MCF2L: variants seen among roughly 807,000 people sequenced by gnomAD.
MCF2L encodes MCF.2 cell line derived transforming sequence like.
Under a neutral mutation model 153.4 loss-of-function variants are expected in MCF2L, and 97 were observed. The ratio of observed to expected loss-of-function variants is 0.63; its 90% CI spans 0.54 to 0.75. The LOEUF (loss-of-function observed/expected upper bound fraction) is 0.75. MCF2L is among the 30% of genes least tolerant of loss of function. The pLI, the probability that MCF2L is intolerant of heterozygous loss-of-function variation, is 0.00. For missense variants in MCF2L, 1,347 were observed against 1,495.2 expected, an observed-to-expected ratio of 0.90 and a Z score of 1.64; for synonymous variants, 659 against 632.2, an observed-to-expected ratio of 1.04 and a Z score of -0.64.
At chr13:113,049,025 AG>A (rs142905124) in intron 4 of MCF2L, among the ~76,000 whole-genome samples, 1,786 of 152,260 alleles carry the variant, frequency 0.012, 42 homozygotes, top group African/African-American at 0.041. Flanking sequence ...TCCTGTCCCC[AG>A]GCCCCTGCTA....
chr13:112,928,238 G>A (rs1448761847), intron 2 of MCF2L, among the ~76,000 whole-genome samples: 1 of 152,202 alleles, frequency 6.6e-6, no homozygotes, highest in Non-Finnish European at 1.5e-5. Flanking sequence ...CACCAACGTT[G>A]TTGCAGTCAT....
chr13:112,996,610 G>A (rs184260895), intron 1 of MCF2L, among the ~76,000 whole-genome samples: 27 of 152,284 alleles, frequency 1.8e-4, no homozygotes, highest in Non-Finnish European at 3.1e-4. Flanking sequence ...TTTCTCCACG[G>A]CATCCTGCGA....
chr13:113,062,201 AGCAGGGACTCGTGGGCAGT>A (rs2031619657), intron 5 of MCF2L, among the ~76,000 whole-genome samples: 1 of 152,038 alleles, frequency 6.6e-6, no homozygotes, highest in South Asian at 2.1e-4. Flanking sequence ...AACCGTGCAG[AGCAGGGACTCGTGGGCAGT>A]GGGAGGCTCA....
chr13:112,894,680 G>A (rs921897686), intron 1 of MCF2L, among the ~76,000 whole-genome samples: 1 of 152,156 alleles, frequency 6.6e-6, no homozygotes, highest in Non-Finnish European at 1.5e-5. Flanking sequence ...AAATGGCAGT[G>A]GAGGAGACCC....
rs760614888 is a variant in MCF2L at position 112,983,236 on chromosome 13, G to A, written c.79+13778G>A. Among the ~76,000 whole-genome samples, 20 of 152,178 alleles carry A rather than the reference G, an allele frequency of 1.3e-4. No individual in the cohort carries two copies. Among genetic ancestry groups the A allele is most frequent in the South Asian group, 2.1e-4 (1 of 4,822 alleles). ...AGGTTCATGGCAGCTGGGTAGGGAC[G>A]GGAAGCTCCAGTAAGATTCACCATG... On this transcript the variant is annotated intron_variant, in intron 1 of 29. Coordinates refer to ENST00000535094, the MANE Select transcript of MCF2L (RefSeq NM_001112732.3). This position sits in a 1 kb window ranked among gnomAD's most constrained non-coding sequence, Gnocchi z 4.0.
At chr13:112,952,935 A>G (rs1250958971) in intron 2 of MCF2L, among the ~76,000 whole-genome samples, 1 of 152,164 alleles carries the variant, frequency 6.6e-6, no homozygotes. Flanking sequence ...ATCAGCCACA[A>G]AGCAGGCGAC....
rs1038547618 is a variant in MCF2L, at chr13:112,907,661, G to C, written c.169+5290G>C. 1.3e-5 allele frequency among the ~76,000 whole-genome samples: 2 copies of C among 152,172 alleles called. No homozygotes were observed. On this transcript the variant is annotated intron_variant, in intron 2 of 29. Transcript: ENST00000375608. The surrounding 1 kb of genome is among the most constrained non-coding windows in gnomAD (Gnocchi z 5.1). The stretch of plus-strand genomic sequence containing the variant: ...TGGTTTCTCTTGGCCCACAGAAAAT[G>C]TTCTTTAATAATTTGGTAGACTCTG...
intron 2 of MCF2L, chr13:112,917,510 G>A (rs1356534120): frequency 1.7e-5 from 5 of 300,688 alleles, no homozygotes; most frequent in Non-Finnish European, 1.3e-5. Context: ...AACAGCAAGC[G>A]GTGACCTCTC....
chr13:112,944,523 C>G (rs970784279), intron 2 of MCF2L, among the ~76,000 whole-genome samples: 1 of 151,206 alleles, frequency 6.6e-6, no homozygotes, highest in African/African-American at 2.4e-5. Flanking sequence ...AGTGCTAAGC[C>G]GCAGAAGAGC....
rs367839706 is a variant in MCF2L at position 112,960,000 on chromosome 13, G to T, written c.170-54763G>T. Among the ~76,000 whole-genome samples the T allele has an allele frequency of 2.0e-5, 3 of 152,358 alleles. No individual in the cohort carries two copies. The East Asian group carries it at 5.8e-4, about 29-fold the overall frequency. On this transcript the variant is annotated intron_variant, in intron 2 of 29. Coordinates refer to the MCF2L transcript ENST00000375608. ...GGGAGAGCCCTCTCTCTGTTCTCAC[G>T]CGTCGGGCTGCGGCAGAGGTGCCTG...
At chr13:112,992,089 A>G (rs1184977919) in intron 1 of MCF2L, among the ~76,000 whole-genome samples, 1 of 152,236 alleles carries the variant, frequency 6.6e-6, no homozygotes. Context: ...CGACAGTCAC[A>G]GTCAAAACTT....
intron 2 of MCF2L, among the ~76,000 whole-genome samples, chr13:112,924,221 A>AC (rs1365440894): frequency 2.0e-5 from 3 of 150,822 alleles, no homozygotes; most frequent in Non-Finnish European, 3.0e-5. Flanking sequence ...GCTCCCCACA[A>AC]CCCCCCCACG....
intron 18 of MCF2L, 21 bp from the exon 19 acceptor site, chr13:113,084,871 G>T: frequency 6.3e-7 from 1 of 1,590,576 alleles, no homozygotes; most frequent in African/African-American, 1.3e-5. Context: ...TGCGTGATGC[G>T]GTGCCTGTCC....
At chr13:112,996,715 C>T (rs1056871743) in intron 1 of MCF2L, among the ~76,000 whole-genome samples, 57 of 152,336 alleles carry the variant, frequency 3.7e-4, no homozygotes, top group African/African-American at 1.3e-3. Flanking sequence ...GGTTCATGGC[C>T]CAGGATGGCA....
At position 113,027,095 on chromosome 13, in the gene MCF2L, A is replaced by G; in HGVS notation, c.278+2337A>G. ...ATGGCATCTGTATCCCGCACATTAC[A>G]TAAGGTGGCAAAACACAGAGGAGAT... On this transcript the variant is annotated intron_variant, in intron 3 of 29. Transcript: ENST00000535094. This position sits in a 1 kb window ranked among gnomAD's most constrained non-coding sequence, Gnocchi z 4.8. 1.4e-6 allele frequency: 1 copy of G among 737,590 alleles called. No homozygotes were observed. The highest frequency in any genetic ancestry group is 2.5e-6 in the Non-Finnish European group (1 of 403,042). The allele number at this position is 737,590 out of a possible 1,614,324, so 45.7% of individuals were successfully genotyped here.
At position 113,099,742 on chromosome 13, in the gene MCF2L, A is replaced by T. The variant is rs1380109019; in HGVS notation, c.*2883A>T. 1.3e-5 allele frequency: 2 copies of T among 152,228 alleles called. No individual in the cohort carries two copies. The highest frequency in any genetic ancestry group is 2.9e-5 in the Non-Finnish European group (2 of 68,042). The allele number at this position is 152,228 out of a possible 1,614,324, so 9.4% of individuals were successfully genotyped here. A position where few individuals can be genotyped will look rare whatever the true frequency, so the allele number is the denominator to read the frequency against. On this transcript the variant is annotated 3_prime_UTR_variant, in exon 30 of 30. Coordinates refer to ENST00000535094, the MANE Select transcript of MCF2L (RefSeq NM_001112732.3). ...AAAAAATTTTAAATATGAGAGAACC[A>T]TTATGAACACCTTTCTGCCAATATA...
chr13:113,075,261 C>T (rs555744464), intron 11 of MCF2L, 72 bp downstream of exon 11: 103 of 1,398,440 alleles, frequency 7.4e-5, no homozygotes, highest in Non-Finnish European at 9.3e-5. Context: ...CATCCACCAC[C>T]GGCTGACCCT....
intron 26 of MCF2L, chr13:113,090,880 C>A: frequency 1.7e-6 from 2 of 1,164,068 alleles, no homozygotes; most frequent in Non-Finnish European, 2.2e-6. Context: ...TAGAGACGGG[C>A]CCCGAAAGGA....
At chr13:112,947,812 A>G (rs1467089553) in intron 2 of MCF2L, among the ~76,000 whole-genome samples, 1 of 152,098 alleles carries the variant, frequency 6.6e-6, no homozygotes, top group Non-Finnish European at 1.5e-5. Flanking sequence ...CTCCGCAGCT[A>G]CACTAGGCAT....
Sources: allele counts gnomAD v4.1 joint callset (sites outside exome capture counted in the v4.1 genomes callset), GRCh38; gene constraint gnomAD v4.1.1; non-coding constraint Gnocchi (gnomAD v3.1); transcripts MANE v1.5; gene names NCBI Gene and HGNC (gene_info 2026-07-23, HGNC 2026-07-21).